The following COG3 variants were observed in gnomAD, a reference collection of about 807,000 sequenced individuals.
COG3 encodes the protein component of oligomeric golgi complex 3.
COG3 carries 32 observed loss-of-function variants against 114.1 expected under a neutral mutation model. That is an observed-to-expected ratio of 0.28 (90% CI 0.21 to 0.38). The LOEUF is 0.38. Ranked by LOEUF, COG3 falls within the 10% of genes least tolerant of loss-of-function variation. The probability of loss-of-function intolerance (pLI) is 1.00; values close to 1 mark genes in which losing one functional copy is unlikely to be tolerated. For synonymous variants in COG3, 352 were observed against 365.7 expected (o/e 0.96, Z 0.43); for missense variants, 813 against 973.2 (o/e 0.84, Z 2.19).
chr13:45,492,296 C>A, intron 11 of COG3, 46 bp downstream of exon 11: 1 of 1,092,100 alleles, frequency 9.2e-7, no homozygotes, highest in Non-Finnish European at 1.4e-6. Flanking sequence ...ATTTAACTTG[C>A]TAATGACCAT....
chr13:45,495,464 A>G (rs1868658573), intron 12 of COG3, among the ~76,000 whole-genome samples: 2 of 151,894 alleles, frequency 1.3e-5, no homozygotes, highest in Admixed American at 6.6e-5. Context: ...TGCAGCCTCA[A>G]CTTCCCGGGC....
chr13:45,486,265 C>T lies in COG3; in HGVS notation c.844-230C>T, dbSNP rs1974046. Reference sequence around the variant, plus strand: ...AGATGGCAGCAGTACAGTCCAGCTTCGGCTCGGCATGAGAGGGAGACCATC... The same window carrying T: ...AGATGGCAGCAGTACAGTCCAGCTTTGGCTCGGCATGAGAGGGAGACCATC... On this transcript the variant is annotated intron_variant, in intron 7 of 22. Transcript: ENST00000349995. 3.6e-4 allele frequency among the ~76,000 whole-genome samples: 50 copies of T among 140,144 alleles called. 1 individual carries two copies. The East Asian group carries it at 8.1e-3, about 23-fold the overall frequency. The allele number at this position is 140,144 out of a possible 152,430, so 91.9% of individuals were successfully genotyped here.
intron 21 of COG3, 96 bp downstream of exon 21, chr13:45,530,014 G>A: frequency 7.3e-7 from 1 of 1,372,066 alleles, no homozygotes; most frequent in Non-Finnish European, 9.8e-7. Context: ...ATTTAGAAAT[G>A]TTGGTATACT....
intron 4 of COG3, among the ~76,000 whole-genome samples, 156 bp from the exon 5 acceptor site, chr13:45,481,074 C>G (rs1886220038): frequency 6.6e-6 from 1 of 152,082 alleles, no homozygotes; most frequent in African/African-American, 2.4e-5. Context: ...ATTATCGCCC[C>G]TTTTAGTTCA....
At chr13:45,465,273 G>A in intron 1 of COG3, 63 bp downstream of exon 1, 1 of 1,576,542 alleles carries the variant, frequency 6.3e-7, no homozygotes, top group Middle Eastern at 2.1e-4. Context: ...GGGCGCCCCG[G>A]CAGGACCCCG....
At chr13:45,496,413 T>C in intron 13 of COG3, 101 bp downstream of exon 13, 1 of 922,882 alleles carries the variant, frequency 1.1e-6, no homozygotes, top group Non-Finnish European at 1.4e-6. Flanking sequence ...AGAGACAGGG[T>C]TTCCCCTTGT....
chr13:45,520,989 C>T (rs1347602631), intron 19 of COG3, among the ~76,000 whole-genome samples: 1 of 151,974 alleles, frequency 6.6e-6, no homozygotes, highest in Non-Finnish European at 1.5e-5. Context: ...ATAATGAAAT[C>T]CAGGATTAAA....
chr13:45,465,172 C>T lies in COG3; in HGVS notation c.136C>T (p.Leu46=), dbSNP rs1885051843. Residue 46 remains leucine (L), a synonymous_variant, in exon 1 of 23, where the codon CTG becomes TTG. Coordinates refer to ENST00000349995, the MANE Select transcript of COG3 (RefSeq NM_031431.4). ...CAGGCAGACGGACTCGGTATTGGAG[C>T]TGAAGGCGGCGGCAGAGAACTTGCC... ...TDRQTDSVLE[L]KAAAENLPVP... is the part of the protein sequence containing the mutation. The T allele has an allele frequency of 1.2e-6, 2 of 1,613,718 alleles. No homozygotes were observed. The highest frequency in any genetic ancestry group is 1.7e-6 in the Non-Finnish European group (2 of 1,179,910).
intron 12 of COG3, 55 bp downstream of exon 12, chr13:45,493,541 A>G (rs1887146043): frequency 1.3e-6 from 2 of 1,511,342 alleles, no homozygotes; most frequent in South Asian, 1.2e-5. Flanking sequence ...ATGAATTTGA[A>G]AAAAAAATAA....
At chr13:45,521,577 G>GCACACACACACACACACA (rs3084002) in intron 19 of COG3, among the ~76,000 whole-genome samples, 52 of 148,376 alleles carry the variant, frequency 3.5e-4, no homozygotes, top group African/African-American at 1.1e-3. Context: ...ATACATACGT[G>GCACACACACACACACACA]CACACACACA....
In COG3 at chr13:45,532,758, C is replaced by T. The variant is rs185806136; in HGVS notation, c.2458-1944C>T. Reference sequence around the variant, plus strand: ...ATTTTTAGTAGAGACGGGGTTTCACCGTGTTAGCCAGGATGGTCTCGATCT... The same window carrying T: ...ATTTTTAGTAGAGACGGGGTTTCACTGTGTTAGCCAGGATGGTCTCGATCT... On this transcript the variant is annotated intron_variant, in intron 22 of 22. Transcript: ENST00000349995. Among the ~76,000 whole-genome samples the T allele has an allele frequency of 3.3e-4, 50 of 151,806 alleles. 1 individual carries two copies. The East Asian group carries it at 5.3e-3, about 16-fold the overall frequency.
At chr13:45,504,402 T>C (rs749520362) in intron 14 of COG3, among the ~76,000 whole-genome samples, 2 of 152,214 alleles carry the variant, frequency 1.3e-5, no homozygotes, top group Non-Finnish European at 2.9e-5. Flanking sequence ...TATACCTCTT[T>C]ATGAGCACGG....
chr13:45,526,560 A>AT (rs934615873), intron 20 of COG3, among the ~76,000 whole-genome samples: 1 of 152,210 alleles, frequency 6.6e-6, no homozygotes, highest in African/African-American at 2.4e-5. Context: ...TGATGTCAAT[A>AT]TAGGTTTGAG....
intron 19 of COG3, 45 bp downstream of exon 19, chr13:45,519,139 C>T: frequency 1.2e-6 from 2 of 1,600,898 alleles, no homozygotes; most frequent in Non-Finnish European, 1.7e-6. Context: ...TTGCATTCTT[C>T]CTTAGATTTC....
rs909303157 is a variant in COG3 at position 45,536,233 on chromosome 13, A to G, written c.*1502A>G. On this transcript the variant is annotated 3_prime_UTR_variant, in exon 23 of 23. Coordinates refer to ENST00000349995, the MANE Select transcript of COG3 (RefSeq NM_031431.4). Reference sequence around the variant, plus strand: ...ACATGTTTAATGAAATAAACTGTAAAATATCCAGTTTTGTGTATTATATGT... The same window carrying G: ...ACATGTTTAATGAAATAAACTGTAAGATATCCAGTTTTGTGTATTATATGT... 1 of 152,246 alleles carries G rather than the reference A, an allele frequency of 6.6e-6. No individual in the cohort carries two copies. Among genetic ancestry groups the G allele is most frequent in the Non-Finnish European group, 1.5e-5 (1 of 68,038 alleles). The allele number at this position is 152,246 out of a possible 1,614,324, so 9.4% of individuals were successfully genotyped here.
intron 13 of COG3, among the ~76,000 whole-genome samples, chr13:45,498,628 AT>A (rs1869118089): frequency 6.6e-6 from 1 of 151,844 alleles, no homozygotes; most frequent in Admixed American, 6.6e-5. Flanking sequence ...TTGACCATAG[AT>A]TAATGGTTTT....
chr13:45,530,012 A>C lies in COG3; in HGVS notation c.2358+94A>C, dbSNP rs1053903121. 4 of 1,395,642 alleles carry C rather than the reference A, an allele frequency of 2.9e-6. No homozygotes were observed. In the African/African-American group the frequency reaches 5.8e-5, roughly 20 times the overall value. 86.5% of individuals were successfully genotyped at this position (1,395,642 alleles called of 1,614,324 possible). ...TTCCTTTTGCTGTAGACATTTAGAA[A>C]TGTTGGTATACTGTTCTAGTGAAGT... On this transcript the variant is annotated intron_variant, in intron 21 of 22. Transcript: ENST00000349995.
Position 45,491,457 on chromosome 13 carries a change from G to A in COG3, c.1014G>A (p.Gln338=), listed in dbSNP as rs942281561. ...ATATCCACCAGTGTTACCTTGATCA[G>A]CGGGAGCTCCTTTTGGGCCCTAGTA... is the stretch of plus-strand genomic sequence containing the variant. The part of the protein sequence containing the change: ...LNDIHQCYLD[Q]RELLLGPSIA... Residue 338 remains glutamine (Q), a synonymous_variant, in exon 10 of 23, where the codon CAG becomes CAA. Coordinates refer to ENST00000349995, the MANE Select transcript of COG3 (RefSeq NM_031431.4). 6.2e-7 allele frequency: 1 copy of A among 1,613,644 alleles called. No homozygotes were observed. The highest frequency in any genetic ancestry group is 1.3e-5 in the African/African-American group (1 of 75,026).
At chr13:45,469,641 T>A (rs1439335923) in intron 1 of COG3, among the ~76,000 whole-genome samples, 1 of 152,140 alleles carries the variant, frequency 6.6e-6, no homozygotes, top group Admixed American at 6.5e-5. Context: ...GTGAAGTAAG[T>A]AAGAGTGTAT....
Sources: gnomAD v4.1 joint callset for allele counts (sites outside exome capture counted in the v4.1 genomes callset) on GRCh38, gnomAD v4.1.1 for gene constraint, MANE v1.5 for transcripts, NCBI Gene and HGNC (gene_info 2026-07-23, HGNC 2026-07-21) for gene names.